The following FAM210A variants were observed in gnomAD, a reference collection of about 807,000 sequenced individuals.
FAM210A encodes the protein mitochondrial inner membrane scaffold 1, also known as family with sequence similarity 210 member A.
In FAM210A, 13 loss-of-function variants were observed where a neutral mutation model predicts 25.3. The observed-to-expected ratio is 0.51, with a 90% CI of 0.33 to 0.82. The LOEUF (loss-of-function observed/expected upper bound fraction) is 0.82. FAM210A is among the 40% of genes least tolerant of loss of function. FAM210A has a pLI of 0.02. For synonymous variants in FAM210A, 125 were observed against 118.7 expected, an observed-to-expected ratio of 1.05 and a Z score of -0.35; for missense variants, 319 against 323.2, an observed-to-expected ratio of 0.99 and a Z score of 0.10.
At chr18:13,713,616 G>A (rs1228024397) in intron 1 of FAM210A, among the ~76,000 whole-genome samples, 1 of 152,154 alleles carries the variant, frequency 6.6e-6, no homozygotes, top group Non-Finnish European at 1.5e-5. Flanking sequence ...GACAGAGGAA[G>A]CAGCTCCACC....
intron 1 of FAM210A, among the ~76,000 whole-genome samples, chr18:13,723,778 T>A (rs1347587465): frequency 1.3e-5 from 2 of 152,226 alleles, no homozygotes; most frequent in Non-Finnish European, 2.9e-5. Context: ...ACAGTATTAC[T>A]CAACAAAATC....
chr18:13,695,335 A>T (rs1243887824), intron 1 of FAM210A, among the ~76,000 whole-genome samples: 1 of 152,196 alleles, frequency 6.6e-6, no homozygotes, highest in Non-Finnish European at 1.5e-5. Flanking sequence ...GACTATAAAT[A>T]CCATTTGACC....
chr18:13,665,419 G>A lies in FAM210A; in HGVS notation c.*1061C>T, dbSNP rs369725460. ...AAAAAAAAAAAAAATCAAGTAGAAT[G>A]CTCAAACAAGGATATTTCCCTTCAA... On this transcript the variant is annotated 3_prime_UTR_variant, in exon 4 of 4. Transcript: ENST00000651643. 7 of 108,248 alleles carry A rather than the reference G, an allele frequency of 6.5e-5. No homozygotes were observed. The highest frequency in any genetic ancestry group is 2.1e-4 in the African/African-American group (7 of 33,566). The allele number at this position is 108,248 out of a possible 1,614,324, so 6.7% of individuals were successfully genotyped here.
rs368263552 is a variant in FAM210A, at chr18:13,682,123, C to T, written c.-28-18G>A. On this transcript the variant is annotated intron_variant, in intron 1 of 3. Coordinates refer to ENST00000651643, the MANE Select transcript of FAM210A (RefSeq NM_152352.4). ...TTCAGCTTCTACAAAGACAATTTTT[C>T]AAAAAAATTAGGTAATACTTAGGTT... 2.0e-6 allele frequency: 3 copies of T among 1,490,756 alleles called. No homozygotes were observed. Among genetic ancestry groups the T allele is most frequent in the Non-Finnish European group, 2.7e-6 (3 of 1,111,512 alleles). The allele number at this position is 1,490,756 out of a possible 1,614,324, so 92.3% of individuals were successfully genotyped here. A position where few individuals can be genotyped will look rare whatever the true frequency, so the allele number is the denominator to read the frequency against.
At chr18:13,682,440 C>CT (rs1290266291) in intron 1 of FAM210A, among the ~76,000 whole-genome samples, 1 of 151,404 alleles carries the variant, frequency 6.6e-6, no homozygotes, top group Non-Finnish European at 1.5e-5. Flanking sequence ...TGGTGGTGGG[C>CT]ACCTGTAATT....
intron 1 of FAM210A, among the ~76,000 whole-genome samples, chr18:13,689,868 C>T (rs757774811): frequency 3.9e-5 from 6 of 152,136 alleles, no homozygotes; most frequent in Non-Finnish European, 8.8e-5. Flanking sequence ...ACGCAGAAGA[C>T]GGGTGATTTC....
At position 13,677,445 on chromosome 18, in the gene FAM210A, G is replaced by C. The variant is rs569104643; in HGVS notation, c.473+4160C>G. 3.6e-4 allele frequency among the ~76,000 whole-genome samples: 55 copies of C among 152,278 alleles called. 1 individual carries two copies. The East Asian group carries it at 8.5e-3, about 24-fold the overall frequency. ...GGGTCGTGATCGACTGAGTAAGCAG[G>C]GGGTACGTGACTGGGGGCTGCATGC... On this transcript the variant is annotated intron_variant, in intron 2 of 3. Transcript: ENST00000651643.
intron 1 of FAM210A, among the ~76,000 whole-genome samples, chr18:13,711,743 C>T (rs1436811268): frequency 6.6e-6 from 1 of 152,078 alleles, no homozygotes; most frequent in Non-Finnish European, 1.5e-5. Context: ...TGATGAACCC[C>T]AATTTATGTT....
intron 1 of FAM210A, among the ~76,000 whole-genome samples, chr18:13,689,181 C>T (rs1380037048): frequency 6.6e-6 from 1 of 152,202 alleles, no homozygotes; most frequent in African/African-American, 2.4e-5. Context: ...CTAACTAAAA[C>T]CTCACAAATA....
At chr18:13,692,261 A>T (rs536044707) in intron 1 of FAM210A, among the ~76,000 whole-genome samples, 3 of 152,206 alleles carry the variant, frequency 2.0e-5, no homozygotes, top group African/African-American at 7.2e-5. Flanking sequence ...AAGTCCTTAG[A>T]GACCTACAAA....
intron 1 of FAM210A, among the ~76,000 whole-genome samples, chr18:13,719,508 C>T (rs149101190): frequency 7.2e-5 from 11 of 152,280 alleles, no homozygotes; most frequent in South Asian, 2.1e-4. Context: ...TCCACTTCTC[C>T]GGGAGGATCC....
chr18:13,672,866 G>A (rs2043455032), intron 2 of FAM210A, among the ~76,000 whole-genome samples: 1 of 152,202 alleles, frequency 6.6e-6, no homozygotes, highest in Admixed American at 6.5e-5. Flanking sequence ...AAAGACTTAA[G>A]GCAGGTGAAG....
intron 1 of FAM210A, among the ~76,000 whole-genome samples, chr18:13,711,228 G>A (rs991625247): frequency 1.3e-4 from 20 of 152,094 alleles, no homozygotes; most frequent in Admixed American, 5.9e-4. Flanking sequence ...AAAATTAGCC[G>A]GGCATCGTGG....
intron 1 of FAM210A, among the ~76,000 whole-genome samples, chr18:13,693,775 C>CA (rs74640885): frequency 0.89 from 135,510 of 152,136 alleles, 60,446 homozygotes; most frequent in East Asian, 0.95. Flanking sequence ...ATGACAATAT[C>CA]TACTGAATGA....
At chr18:13,706,115 G>A (rs1265873549) in intron 1 of FAM210A, among the ~76,000 whole-genome samples, 1 of 152,142 alleles carries the variant, frequency 6.6e-6, no homozygotes, top group Non-Finnish European at 1.5e-5. Context: ...TCAGGACCTT[G>A]TATTTTGGCT....
chr18:13,676,563 C>T (rs2043505123), intron 2 of FAM210A, among the ~76,000 whole-genome samples: 1 of 152,240 alleles, frequency 6.6e-6, no homozygotes, highest in African/African-American at 2.4e-5. Flanking sequence ...CACTGTGACC[C>T]TTCGCCCCTA....
At chr18:13,694,106 GA>G (rs1287715665) in intron 1 of FAM210A, among the ~76,000 whole-genome samples, 2 of 152,260 alleles carry the variant, frequency 1.3e-5, no homozygotes, top group African/African-American at 2.4e-5. Context: ...GCCAAATCAT[GA>G]GTGAACTTCC....
chr18:13,673,955 A>G (rs12607096), intron 2 of FAM210A, among the ~76,000 whole-genome samples: 13 of 4,154 alleles, frequency 3.1e-3, no homozygotes, highest in Non-Finnish European at 4.2e-3. Context: ...CTGAGCCCCG[A>G]CTTCTTTATT....
chr18:13,671,988 A>T lies in FAM210A; in HGVS notation c.474-15T>A. 1 of 1,548,090 alleles carries T rather than the reference A, an allele frequency of 6.5e-7. No individual in the cohort carries two copies. The highest frequency in any genetic ancestry group is 8.9e-7 in the Non-Finnish European group (1 of 1,127,804). On this transcript the variant is annotated splice_polypyrimidine_tract_variant and intron_variant, in intron 2 of 3. Coordinates refer to ENST00000651643, the MANE Select transcript of FAM210A (RefSeq NM_152352.4). ...CATTCACTCCTCTACAAAAAAAAAA[A>T]AGTAATTTTCATATGTACAAACTTT...
Sources: gnomAD v4.1 joint callset for allele counts (sites outside exome capture counted in the v4.1 genomes callset) on GRCh38, gnomAD v4.1.1 for gene constraint, MANE v1.5 for transcripts, NCBI Gene and HGNC (gene_info 2026-07-23, HGNC 2026-07-21) for gene names.